Variants in CPO observed in about 807,000 individuals in gnomAD.
CPO encodes the protein metallocarboxypeptidase C.
A neutral mutation model predicts 41.2 loss-of-function variants in CPO; 43 were observed. The ratio of observed to expected loss-of-function variants is 1.04; its 90% CI spans 0.82 to 1.35. CPO has a LOEUF of 1.35. Ranked by LOEUF, CPO falls within the 40% of genes most tolerant of loss-of-function variation. CPO has a pLI of 0.00. For missense variants in CPO, 408 were observed against 451.7 expected (o/e 0.90, Z 0.88); for synonymous variants, 178 against 162.7 (o/e 1.09, Z -0.72).
chr2:206,963,855 C>T (rs1693523484), intron 7 of CPO, among the ~76,000 whole-genome samples: 1 of 152,146 alleles, frequency 6.6e-6, no homozygotes, highest in Non-Finnish European at 1.5e-5. Flanking sequence ...TGATTCATAT[C>T]CAAAATGTAA....
intron 7 of CPO, among the ~76,000 whole-genome samples, chr2:206,964,985 A>T (rs1005088057): frequency 2.0e-5 from 3 of 152,160 alleles, no homozygotes; most frequent in African/African-American, 7.2e-5. Flanking sequence ...TGTACTGCTG[A>T]TTGGCTGTCT....
chr2:206,967,409 A>C (rs1012092647), intron 7 of CPO, among the ~76,000 whole-genome samples: 1 of 151,476 alleles, frequency 6.6e-6, no homozygotes, highest in African/African-American at 2.4e-5. Context: ...CACTATAAGG[A>C]AAAAGAAGAG....
intron 7 of CPO, among the ~76,000 whole-genome samples, chr2:206,966,420 T>C (rs966470225): frequency 6.6e-6 from 1 of 152,138 alleles, no homozygotes; most frequent in African/African-American, 2.4e-5. Context: ...CTTAAAGAAC[T>C]TCAGAAGGGA....
chr2:206,951,565 G>A (rs1407554839), intron 2 of CPO, among the ~76,000 whole-genome samples: 1 of 152,068 alleles, frequency 6.6e-6, no homozygotes, highest in Non-Finnish European at 1.5e-5. Flanking sequence ...TACAAGAAAA[G>A]ATTTATACTT....
chr2:206,948,683 G>A (rs1442185629), intron 1 of CPO, among the ~76,000 whole-genome samples: 3 of 152,178 alleles, frequency 2.0e-5, no homozygotes, highest in African/African-American at 7.2e-5. Flanking sequence ...GATATTCTGA[G>A]CCCAGAGCCC....
intron 1 of CPO, among the ~76,000 whole-genome samples, chr2:206,948,914 C>T (rs1021519874): frequency 9.9e-5 from 15 of 152,054 alleles, no homozygotes; most frequent in African/African-American, 3.4e-4. Context: ...TGATTCTAAC[C>T]AATGTACCAC....
chr2:206,958,746 T>G (rs1296413612), intron 4 of CPO, among the ~76,000 whole-genome samples: 7 of 144,796 alleles, frequency 4.8e-5, no homozygotes, highest in African/African-American at 1.0e-4. Context: ...TTTTTTTTTT[T>G]TTTTTTTTTT....
intron 1 of CPO, 109 bp from the exon 2 acceptor site, chr2:206,949,508 C>T: frequency 1.4e-6 from 1 of 718,762 alleles, no homozygotes; most frequent in Non-Finnish European, 2.4e-6. Flanking sequence ...AGGCTTTTGT[C>T]CTCCAAGTCC....
chr2:206,958,461 C>A, intron 4 of CPO, 56 bp downstream of exon 4: 1 of 934,228 alleles, frequency 1.1e-6, no homozygotes, highest in Non-Finnish European at 1.7e-6. Flanking sequence ...ATATCTGTCA[C>A]TTCTTGGCTG....
intron 4 of CPO, among the ~76,000 whole-genome samples, chr2:206,958,688 T>C (rs1693418758): frequency 6.6e-6 from 1 of 150,446 alleles, no homozygotes; most frequent in African/African-American, 2.4e-5. Context: ...GTTTGAATCC[T>C]GGCTGTGCCT....
intron 3 of CPO, among the ~76,000 whole-genome samples, chr2:206,957,402 G>T (rs1693390316): frequency 6.6e-6 from 1 of 151,624 alleles, no homozygotes; most frequent in Non-Finnish European, 1.5e-5. Flanking sequence ...AGAACATTAA[G>T]GTAAGAGGTG....
chr2:206,969,146 A>G, intron 8 of CPO, 28 bp from the exon 9 acceptor site: 3 of 1,610,116 alleles, frequency 1.9e-6, no homozygotes, highest in Non-Finnish European at 2.5e-6. Flanking sequence ...TATGACTTCT[A>G]CCTCTGCCTT....
At chr2:206,962,943 C>CG (rs1693508123) in intron 7 of CPO, among the ~76,000 whole-genome samples, 1 of 152,146 alleles carries the variant, frequency 6.6e-6, no homozygotes, top group Non-Finnish European at 1.5e-5. Context: ...CTTGGAGCTC[C>CG]GTTCAGCAAT....
chr2:206,941,888 A>G (rs1693035831), intron 1 of CPO, among the ~76,000 whole-genome samples: 1 of 152,114 alleles, frequency 6.6e-6, no homozygotes, highest in Admixed American at 6.6e-5. Context: ...GTAACTCTGT[A>G]TAATCATTTG....
At chr2:206,967,360 G>GATATATATATATATATATCTAT (rs1306787306) in intron 7 of CPO, among the ~76,000 whole-genome samples, 3 of 112,348 alleles carry the variant, frequency 2.7e-5, no homozygotes, top group African/African-American at 8.7e-5. Flanking sequence ...TAGATATATA[G>GATATATATATATATATATCTAT]ATATAGATAT....
Position 206,943,605 on chromosome 2 carries a change from G to GAAA in CPO, c.68+3946_68+3948dup, listed in dbSNP as rs11418160. ...TAAGCCTATGTAACAAAGTCTTCAG[G>GAAA]AAAAAAAAAACTGGGATAATAGTAT... On this transcript the variant is annotated intron_variant, in intron 1 of 8. Transcript: ENST00000272852. Among the ~76,000 whole-genome samples, 150 of 128,690 alleles carry GAAA rather than the reference G, an allele frequency of 1.2e-3. 2 individuals are homozygous for GAAA. The highest frequency in any genetic ancestry group is 6.2e-3 in the South Asian group (25 of 4,058). 84.4% of individuals were successfully genotyped at this position (128,690 alleles called of 152,430 possible).
chr2:206,954,167 C>T (rs1350115007), intron 2 of CPO, among the ~76,000 whole-genome samples: 2 of 152,308 alleles, frequency 1.3e-5, no homozygotes, highest in East Asian at 1.9e-4. Flanking sequence ...ATTGACTCCT[C>T]ATTACTTATG....
intron 7 of CPO, 87 bp from the exon 8 acceptor site, chr2:206,968,176 A>G: frequency 1.1e-6 from 1 of 903,564 alleles, no homozygotes; most frequent in Non-Finnish European, 1.8e-6. Context: ...AAAACTCTGG[A>G]GATGAATCTG....
chr2:206,947,394 TATTA>T (rs1693166081), intron 1 of CPO, among the ~76,000 whole-genome samples: 1 of 152,160 alleles, frequency 6.6e-6, no homozygotes, highest in Non-Finnish European at 1.5e-5. Context: ...CCTTCACAAA[TATTA>T]ATTCAAAATG....
Sources: allele counts gnomAD v4.1 joint callset (sites outside exome capture counted in the v4.1 genomes callset), GRCh38; gene constraint gnomAD v4.1.1; transcripts MANE v1.5; gene names NCBI Gene and HGNC (gene_info 2026-07-23, HGNC 2026-07-21).